RRAS2: variants seen among roughly 807,000 people sequenced by gnomAD.
RRAS2 encodes the protein RAS related 2.
A neutral mutation model predicts 27.6 loss-of-function variants in RRAS2; 7 were observed. The ratio of observed to expected loss-of-function variants is 0.25; its 90% CI spans 0.14 to 0.48. The LOEUF (loss-of-function observed/expected upper bound fraction) is 0.48, where lower values mean the gene tolerates loss of function less well. Among genes scored for constraint, RRAS2 ranks in the 20% least tolerant of loss-of-function variants. RRAS2 has a pLI of 0.99. For synonymous variants in RRAS2, 86 were observed against 90.9 expected (o/e 0.95, Z 0.31); for missense variants, 178 against 256.2 (o/e 0.69, Z 2.08).
chr11:14,305,845 G>A (rs1412601451), intron 1 of RRAS2, among the ~76,000 whole-genome samples: 1 of 152,078 alleles, frequency 6.6e-6, no homozygotes, highest in East Asian at 1.9e-4. Flanking sequence ...AGGAATTCGA[G>A]ACCAGCTGGG....
At chr11:14,356,432 A>G (rs1849075277) in intron 1 of RRAS2, among the ~76,000 whole-genome samples, 1 of 152,180 alleles carries the variant, frequency 6.6e-6, no homozygotes, top group South Asian at 2.1e-4. Flanking sequence ...AGGCATAAAC[A>G]CTGATAACAC....
intron 1 of RRAS2, among the ~76,000 whole-genome samples, chr11:14,331,453 A>G (rs1352554712): frequency 6.6e-6 from 1 of 152,138 alleles, no homozygotes; most frequent in Non-Finnish European, 1.5e-5. Flanking sequence ...TAACTTATCC[A>G]AAAAATTTTA....
chr11:14,362,100 T>C (rs534309360), upstream of RRAS2, among the ~76,000 whole-genome samples: 14 of 152,316 alleles, frequency 9.2e-5, no homozygotes, highest in Non-Finnish European at 1.8e-4. Flanking sequence ...ATAGTAGGTA[T>C]TGAGTTTCTT....
intron 1 of RRAS2, among the ~76,000 whole-genome samples, chr11:14,318,515 C>CA (rs1291209856): frequency 6.6e-6 from 1 of 150,430 alleles, no homozygotes; most frequent in African/African-American, 2.4e-5. Context: ...AACAAACAAA[C>CA]AAACAAAAAA....
In RRAS2 at chr11:14,290,050, G is replaced by A. The variant is rs79423176; in HGVS notation, c.408+4421C>T. Among the ~76,000 whole-genome samples the A allele has an allele frequency of 2.3e-3, 357 of 152,316 alleles. 13 individuals carry two copies. In the East Asian group the frequency reaches 0.05, roughly 21 times the overall value. ...CTAAACATCTCTGAACAGGCGGAAA[G>A]AAGCTTTTACAGCATCCCCGTGGCC... On this transcript the variant is annotated intron_variant, in intron 4 of 5. Coordinates refer to ENST00000256196, the MANE Select transcript of RRAS2 (RefSeq NM_012250.6).
chr11:14,281,818 G>T, intron 4 of RRAS2, 98 bp from the exon 5 acceptor site: 1 of 1,052,396 alleles, frequency 9.5e-7, no homozygotes, highest in Admixed American at 2.6e-5. Context: ...CAGCCAAGAG[G>T]CCAAGTTGTT....
At chr11:14,299,307 G>A (rs559254671) in intron 1 of RRAS2, among the ~76,000 whole-genome samples, 2 of 152,282 alleles carry the variant, frequency 1.3e-5, no homozygotes, top group Admixed American at 6.5e-5. Context: ...GTATCCAAAC[G>A]TTGTGAATCA....
intron 1 of RRAS2, among the ~76,000 whole-genome samples, chr11:14,344,867 G>C (rs1346389939): frequency 6.6e-6 from 1 of 151,650 alleles, no homozygotes; most frequent in Non-Finnish European, 1.5e-5. Context: ...AATCCAAAAT[G>C]ATAGCCAGCT....
At chr11:14,353,886 A>C (rs1849017798) in intron 1 of RRAS2, among the ~76,000 whole-genome samples, 1 of 152,222 alleles carries the variant, frequency 6.6e-6, no homozygotes, top group Non-Finnish European at 1.5e-5. Flanking sequence ...TTAGTATGGT[A>C]CCACTTTGGG....
chr11:14,329,137 T>C (rs1478766240), intron 1 of RRAS2, among the ~76,000 whole-genome samples: 1 of 150,276 alleles, frequency 6.7e-6, no homozygotes, highest in Non-Finnish European at 1.5e-5. Context: ...TGAGATGGAG[T>C]TTCACTCCTG....
chr11:14,358,113 G>A lies in RRAS2; in HGVS notation c.108+650C>T, dbSNP rs1554955708. The stretch of plus-strand genomic sequence containing the variant: ...ACGGCATCAGGAATTCCTAGGAAAT[G>A]GTCTCACCCCATCAGAGAACATTTT... On this transcript the variant is annotated intron_variant, in intron 1 of 5. Transcript: ENST00000256196. The surrounding 1 kb of genome is among the most constrained non-coding windows in gnomAD (Gnocchi z 5.1). 1.6e-6 allele frequency: 1 copy of A among 609,284 alleles called. No homozygotes were observed. Among genetic ancestry groups the A allele is most frequent in the African/African-American group, 2.0e-5 (1 of 49,944 alleles). 37.7% of individuals were successfully genotyped at this position (609,284 alleles called of 1,614,324 possible).
At chr11:14,287,565 T>A (rs1288062049) in intron 4 of RRAS2, among the ~76,000 whole-genome samples, 1 of 151,996 alleles carries the variant, frequency 6.6e-6, no homozygotes, top group African/African-American at 2.4e-5. Flanking sequence ...AACTCACCTA[T>A]CCTTATATAG....
chr11:14,290,446 T>G (rs1178574464), intron 4 of RRAS2, among the ~76,000 whole-genome samples: 2 of 152,156 alleles, frequency 1.3e-5, no homozygotes, highest in Non-Finnish European at 2.9e-5. Context: ...AAGACCCGTT[T>G]CAGGGGGGAA....
At chr11:14,301,072 G>C (rs1157519429) in intron 1 of RRAS2, among the ~76,000 whole-genome samples, 1 of 152,174 alleles carries the variant, frequency 6.6e-6, no homozygotes, top group African/African-American at 2.4e-5. Context: ...TCTGAGCACA[G>C]CATCATTCTC....
chr11:14,349,408 C>T (rs954297965), intron 1 of RRAS2, among the ~76,000 whole-genome samples: 5 of 151,132 alleles, frequency 3.3e-5, no homozygotes, highest in Admixed American at 2.6e-4. Context: ...GTGATACACC[C>T]GCCTCAGCCT....
chr11:14,279,450 T>C (rs782602172), intron 5 of RRAS2, 26 bp from the exon 6 acceptor site: 1 of 1,508,618 alleles, frequency 6.6e-7, no homozygotes, highest in Admixed American at 1.7e-5. Context: ...TTCTAAAATA[T>C]AATTGCCTTC....
chr11:14,352,552 C>T (rs1848977891), intron 1 of RRAS2, among the ~76,000 whole-genome samples: 1 of 152,064 alleles, frequency 6.6e-6, no homozygotes, highest in South Asian at 2.1e-4. Context: ...AAATTCATGA[C>T]TATTAACTCC....
intron 4 of RRAS2, among the ~76,000 whole-genome samples, chr11:14,291,760 A>C (rs1847400825): frequency 1.3e-5 from 2 of 152,142 alleles, no homozygotes; most frequent in African/African-American, 4.8e-5. Flanking sequence ...CAATATGTTG[A>C]CTGTCTGCAG....
At chr11:14,332,342 G>GAACT (rs1167459774) in intron 1 of RRAS2, among the ~76,000 whole-genome samples, 3 of 152,118 alleles carry the variant, frequency 2.0e-5, no homozygotes, top group Admixed American at 2.0e-4. Context: ...CAATAAAAAA[G>GAACT]AACTAACTAC....
Sources: allele counts gnomAD v4.1 joint callset (sites outside exome capture counted in the v4.1 genomes callset), GRCh38; gene constraint gnomAD v4.1.1; non-coding constraint Gnocchi (gnomAD v3.1); transcripts MANE v1.5; gene names NCBI Gene and HGNC (gene_info 2026-07-23, HGNC 2026-07-21).